The following PRICKLE2 variants were observed in gnomAD, a reference collection of about 807,000 sequenced individuals.
PRICKLE2 encodes the protein prickle planar cell polarity protein 2, also known as prickle-like protein 2.
Under a neutral mutation model 81.4 loss-of-function variants are expected in PRICKLE2, and 21 were observed. The observed-to-expected ratio is 0.26, with a 90% CI of 0.18 to 0.37. The LOEUF is 0.37. PRICKLE2 is among the 10% of genes least tolerant of loss of function. PRICKLE2 has a pLI of 1.00. For synonymous variants in PRICKLE2, 456 were observed against 421.5 expected, an observed-to-expected ratio of 1.08 and a Z score of -1.00; for missense variants, 940 against 1,109.0, an observed-to-expected ratio of 0.85 and a Z score of 2.16.
At chr3:64,141,365 T>C (rs1559534410) in intron 7 of PRICKLE2, among the ~76,000 whole-genome samples, 1 of 152,238 alleles carries the variant, frequency 6.6e-6, no homozygotes, top group South Asian at 2.1e-4. Context: ...ATAACAACCA[T>C]GCCTACCTCA....
rs1336468656 is a variant in PRICKLE2, at chr3:64,210,713, G to C, written c.-40-11746C>G. On this transcript the variant is annotated intron_variant, in intron 1 of 7. Coordinates refer to ENST00000638394, the MANE Select transcript of PRICKLE2 (RefSeq NM_198859.4). ...TAGACTAATTTATCTTGTAACTTTT[G>C]AGCAGTGGAAATTCCTTCCCTTTTA... is the stretch of plus-strand genomic sequence containing the variant. Among the ~76,000 whole-genome samples, 3 of 152,162 alleles carry C rather than the reference G, an allele frequency of 2.0e-5. No homozygotes were observed. The East Asian group carries it at 5.8e-4, about 29-fold the overall frequency.
intron 2 of PRICKLE2, among the ~76,000 whole-genome samples, chr3:64,168,270 G>A (rs1187433050): frequency 3.3e-5 from 5 of 152,080 alleles, no homozygotes; most frequent in Admixed American, 2.0e-4. Flanking sequence ...ATCTAGATGC[G>A]GAGGGGGCCC....
intron 1 of PRICKLE2, among the ~76,000 whole-genome samples, chr3:64,221,426 C>A (rs928275160): frequency 1.8e-4 from 25 of 142,530 alleles, no homozygotes; most frequent in African/African-American, 5.5e-4. Flanking sequence ...TTCATACACA[C>A]ACACACACAC....
chr3:64,107,748 G>T (rs921566052), intron 7 of PRICKLE2, among the ~76,000 whole-genome samples: 3 of 152,174 alleles, frequency 2.0e-5, no homozygotes, highest in Admixed American at 2.0e-4. Flanking sequence ...TGGGGAGGCT[G>T]AGGCAGTAGG....
chr3:64,162,909 T>C (rs1428808416), intron 3 of PRICKLE2, 107 bp downstream of exon 3: 7 of 816,680 alleles, frequency 8.6e-6, no homozygotes, highest in Middle Eastern at 4.4e-4. Context: ...TAAAATAAAT[T>C]GCCAGAGTTC....
At chr3:64,176,568 T>A (rs942785820) in intron 2 of PRICKLE2, among the ~76,000 whole-genome samples, 1 of 152,200 alleles carries the variant, frequency 6.6e-6, no homozygotes, top group African/African-American at 2.4e-5. Flanking sequence ...CATGCTATAA[T>A]CCAAAGAAAG....
chr3:64,117,505 T>C, intron 7 of PRICKLE2, among the ~76,000 whole-genome samples: 1 of 152,176 alleles, frequency 6.6e-6, no homozygotes, highest in Non-Finnish European at 1.5e-5. Flanking sequence ...CAGCAAAGTC[T>C]CAGGATCAAA....
intron 7 of PRICKLE2, chr3:64,100,170 T>G: frequency 1.8e-6 from 1 of 543,560 alleles, no homozygotes; most frequent in Non-Finnish European, 3.3e-6. Context: ...CAGTTACTAG[T>G]TCCTCCAAAG....
chr3:64,243,831 C>T (rs887310356), intron 2 of PRICKLE2, among the ~76,000 whole-genome samples: 1 of 152,142 alleles, frequency 6.6e-6, no homozygotes, highest in Non-Finnish European at 1.5e-5. Flanking sequence ...TTGGTTAGGA[C>T]CCAGTCTACT....
chr3:64,155,449 ATGTTATACT>A (rs1449483415), intron 5 of PRICKLE2, among the ~76,000 whole-genome samples: 1 of 152,156 alleles, frequency 6.6e-6, no homozygotes, highest in Non-Finnish European at 1.5e-5. Flanking sequence ...GGAATGTAAA[ATGTTATACT>A]TGTTTTGGAA....
rs1305664947 is a variant in PRICKLE2, at chr3:64,163,004, C to T, written c.258+12G>A. The T allele has an allele frequency of 6.4e-7, 1 of 1,569,708 alleles. No homozygotes were observed. The highest frequency in any genetic ancestry group is 2.2e-5 in the East Asian group (1 of 44,680). ...TAAGAAAATTCTGCATAAGCCCCCTCTAGCCCCTTACCTCATTGTCATGTG... is the reference window on the plus strand; with the variant it reads ...TAAGAAAATTCTGCATAAGCCCCCTTTAGCCCCTTACCTCATTGTCATGTG... On this transcript the variant is annotated intron_variant, in intron 3 of 7. Coordinates refer to ENST00000638394, the MANE Select transcript of PRICKLE2 (RefSeq NM_198859.4).
chr3:64,202,647 T>TGTGTGTGC, intron 1 of PRICKLE2, among the ~76,000 whole-genome samples: 1 of 128,420 alleles, frequency 7.8e-6, no homozygotes. Context: ...CTTGTGTGCG[T>TGTGTGTGC]GTGTGTGTGT....
intron 2 of PRICKLE2, among the ~76,000 whole-genome samples, chr3:64,259,111 T>G (rs2079579601): frequency 6.6e-6 from 1 of 152,190 alleles, no homozygotes; most frequent in African/African-American, 2.4e-5. Flanking sequence ...TTGAGAGATC[T>G]GGAACCCACA....
intron 2 of PRICKLE2, among the ~76,000 whole-genome samples, chr3:64,184,938 A>T (rs1383380969): frequency 6.6e-6 from 1 of 152,226 alleles, no homozygotes; most frequent in East Asian, 1.9e-4. Flanking sequence ...CAACACACGT[A>T]GAATTGCCAA....
At chr3:64,255,680 C>T (rs956821031) in intron 2 of PRICKLE2, among the ~76,000 whole-genome samples, 4 of 152,178 alleles carry the variant, frequency 2.6e-5, no homozygotes, top group Admixed American at 1.3e-4. Flanking sequence ...TTACTTACCT[C>T]AGCATCTCCT....
At chr3:64,217,391 C>A (rs766506610) in intron 1 of PRICKLE2, among the ~76,000 whole-genome samples, 1 of 152,134 alleles carries the variant, frequency 6.6e-6, no homozygotes, top group Non-Finnish European at 1.5e-5. Context: ...GGATATACTG[C>A]ATAGTGATGA....
At position 64,160,284 on chromosome 3, in the gene PRICKLE2, C is replaced by T. The variant is rs142507858; in HGVS notation, c.259-207G>A. ...CTAAGATTGCGGACAGCCAAAAGAG[C>T]TTACCAAAGGCTCTGAATTCTGGAT... On this transcript the variant is annotated intron_variant, in intron 3 of 7. Transcript: ENST00000638394. Among the ~76,000 whole-genome samples the T allele has an allele frequency of 1.8e-4, 28 of 152,264 alleles. No individual in the cohort carries two copies. In the East Asian group the frequency reaches 5.2e-3, roughly 28 times the overall value.
At chr3:64,178,765 T>C (rs1424293435) in intron 2 of PRICKLE2, among the ~76,000 whole-genome samples, 3 of 152,206 alleles carry the variant, frequency 2.0e-5, no homozygotes, top group Non-Finnish European at 4.4e-5. Flanking sequence ...TGGGGTTAGG[T>C]TCCTGTGAGC....
At chr3:64,221,652 G>C (rs1302251740) in intron 1 of PRICKLE2, among the ~76,000 whole-genome samples, 1 of 152,132 alleles carries the variant, frequency 6.6e-6, no homozygotes, top group Non-Finnish European at 1.5e-5. Flanking sequence ...CACAGTCATG[G>C]AGGGAATGAA....
Sources: allele counts gnomAD v4.1 joint callset (sites outside exome capture counted in the v4.1 genomes callset), GRCh38; gene constraint gnomAD v4.1.1; transcripts MANE v1.5; gene names NCBI Gene and HGNC (gene_info 2026-07-23, HGNC 2026-07-21).